The following JMY variants were observed in gnomAD, a reference collection of about 807,000 sequenced individuals.
The protein encoded by JMY is junction-mediating and -regulatory protein.
In JMY, 46 loss-of-function variants were observed where a neutral mutation model predicts 103.3. That is an observed-to-expected ratio of 0.45 (90% CI 0.35 to 0.57). JMY has a LOEUF of 0.57. JMY is among the 20% of genes least tolerant of loss of function. The pLI is 0.00. For synonymous variants in JMY, 526 were observed against 489.3 expected (o/e 1.07, Z -0.99); for missense variants, 1,238 against 1,255.2 (o/e 0.99, Z 0.21).
rs968424160 is a variant in JMY, at chr5:79,322,682, G to C, written c.*1080G>C. On this transcript the variant is annotated 3_prime_UTR_variant, in exon 11 of 11. Coordinates refer to ENST00000396137, the MANE Select transcript of JMY (RefSeq NM_152405.5). Reference sequence around the variant, plus strand: ...CACTAAAATTTTAAACTTATACACAGCTTTAGGTGCTGATTTTGGCTGTGA... The same window carrying C: ...CACTAAAATTTTAAACTTATACACACCTTTAGGTGCTGATTTTGGCTGTGA... 9 of 152,164 alleles carry C rather than the reference G, an allele frequency of 5.9e-5. No individual in the cohort carries two copies. Among genetic ancestry groups the C allele is most frequent in the Non-Finnish European group, 1.3e-4 (9 of 68,032 alleles). The allele number at this position is 152,164 out of a possible 1,614,324, so 9.4% of individuals were successfully genotyped here. A position where few individuals can be genotyped will look rare whatever the true frequency, so the allele number is the denominator to read the frequency against.
rs1745991096 is a variant in JMY at position 79,277,968 on chromosome 5, T to G, written c.1091T>G (p.Met364Arg). The change falls in exon 2 of 11, where the codon ATG (methionine) becomes AGG (arginine). Residue 364 changes from methionine to arginine, a missense_variant. Coordinates refer to ENST00000396137, the MANE Select transcript of JMY (RefSeq NM_152405.5). Reference protein sequence around the residue: ...SMVELLDLYQMEDEAYSSLAE... With the variant: ...SMVELLDLYQREDEAYSSLAE... ...GTGGAGCTTCTGGACTTGTATCAGA[T>G]GGAGGATGAAGCCTACAGCAGCCTT... The G allele has an allele frequency of 6.2e-7, 1 of 1,613,968 alleles. No homozygotes were observed. Among genetic ancestry groups the G allele is most frequent in the African/African-American group, 1.3e-5 (1 of 74,932 alleles).
Position 79,236,521 on chromosome 5 carries a change from A to G in JMY, c.-130A>G. On this transcript the variant is annotated 5_prime_UTR_variant, in exon 1 of 11. Coordinates refer to ENST00000396137, the MANE Select transcript of JMY (RefSeq NM_152405.5). ...GAGGGACAGGCGAACGAGCCGGGAGAGCCGGCCGGCGCACTAAGATGGCTG... is the reference window on the plus strand; with the variant it reads ...GAGGGACAGGCGAACGAGCCGGGAGGGCCGGCCGGCGCACTAAGATGGCTG... 1 of 624,846 alleles carries G rather than the reference A, an allele frequency of 1.6e-6. No individual in the cohort carries two copies. The highest frequency in any genetic ancestry group is 2.4e-6 in the Non-Finnish European group (1 of 418,820). The allele number at this position is 624,846 out of a possible 1,614,324, so 38.7% of individuals were successfully genotyped here. A position where few individuals can be genotyped will look rare whatever the true frequency, so the allele number is the denominator to read the frequency against.
At chr5:79,289,349 T>C (rs1286720896) in intron 2 of JMY, among the ~76,000 whole-genome samples, 1 of 151,842 alleles carries the variant, frequency 6.6e-6, no homozygotes, top group Admixed American at 6.6e-5. Context: ...AAGTGTGTCA[T>C]GGGTGGGTTA....
intron 1 of JMY, among the ~76,000 whole-genome samples, chr5:79,246,287 T>G (rs1055684539): frequency 5.3e-5 from 8 of 152,206 alleles, no homozygotes; most frequent in Admixed American, 2.0e-4. Flanking sequence ...TGAGTTTCTA[T>G]CCACACCTAT....
intron 2 of JMY, chr5:79,284,442 C>T: frequency 4.5e-6 from 7 of 1,547,152 alleles, no homozygotes; most frequent in Non-Finnish European, 5.3e-6. Context: ...ATTTGGCGGA[C>T]CCGTTGGTGC....
intron 2 of JMY, among the ~76,000 whole-genome samples, chr5:79,279,419 G>A (rs982140111): frequency 6.6e-6 from 1 of 152,140 alleles, no homozygotes; most frequent in Non-Finnish European, 1.5e-5. Context: ...TTTTATAGCT[G>A]ACCTTAAATG....
At chr5:79,318,693 C>G (rs1292912876) in intron 10 of JMY, among the ~76,000 whole-genome samples, 1 of 150,016 alleles carries the variant, frequency 6.7e-6, no homozygotes, top group Non-Finnish European at 1.5e-5. Flanking sequence ...CCCAAAGTAA[C>G]TTCGAGTTAT....
chr5:79,287,116 A>C (rs1173319563), intron 2 of JMY, among the ~76,000 whole-genome samples: 1 of 152,272 alleles, frequency 6.6e-6, no homozygotes. Context: ...TGGGGGTTGT[A>C]CTATGAGCCT....
At chr5:79,238,067 C>A (rs1211499122) in intron 1 of JMY, among the ~76,000 whole-genome samples, 3 of 152,124 alleles carry the variant, frequency 2.0e-5, no homozygotes, top group Non-Finnish European at 4.4e-5. Context: ...TTGTCCTTGT[C>A]ACCTTTATTT....
chr5:79,289,736 A>G (rs1047695907), intron 2 of JMY, among the ~76,000 whole-genome samples: 1 of 151,716 alleles, frequency 6.6e-6, no homozygotes, highest in African/African-American at 2.4e-5. Flanking sequence ...CAATTGTTTT[A>G]TATAGTGGCT....
chr5:79,237,696 C>T lies in JMY; in HGVS notation c.1032+14C>T. ...CGCATCCAGGAGGTGAGTGAGTGAG[C>T]TCCTAGTCTGGGCTCTACTGGTCGC... On this transcript the variant is annotated intron_variant, in intron 1 of 10. Coordinates refer to ENST00000396137, the MANE Select transcript of JMY (RefSeq NM_152405.5). 6.2e-7 allele frequency: 1 copy of T among 1,603,430 alleles called. No individual in the cohort carries two copies. The highest frequency in any genetic ancestry group is 8.5e-7 in the Non-Finnish European group (1 of 1,173,802).
intron 10 of JMY, 46 bp from the exon 11 acceptor site, chr5:79,321,560 A>G (rs1180583144): frequency 6.6e-6 from 1 of 152,128 alleles, no homozygotes; most frequent in Non-Finnish European, 1.5e-5. Flanking sequence ...CTGTATCTTT[A>G]AAGGGTCTTT....
intron 2 of JMY, 119 bp downstream of exon 2, chr5:79,278,202 C>T: frequency 1.2e-6 from 1 of 829,594 alleles, no homozygotes; most frequent in South Asian, 2.1e-5. Context: ...GTACCTGGTC[C>T]TATTTCTGCA....
In JMY at chr5:79,300,291, C is replaced by T. The variant is rs1205529112; in HGVS notation, c.1666C>T (p.Leu556=). The T allele has an allele frequency of 6.3e-7, 1 of 1,579,320 alleles. No homozygotes were observed. Among genetic ancestry groups the T allele is most frequent in the East Asian group, 2.3e-5 (1 of 43,508 alleles). ...KCEELLLTAQ[L]ESIKRLISEK... is the part of the protein sequence containing the mutation. ...TGAAGAGTTACTATTGACAGCGCAA[C>T]TAGAAAGCATCAAAAGACTTATATC... Residue 556 remains leucine (L), a synonymous_variant, in exon 5 of 11, where the codon CTA becomes TTA. Coordinates refer to ENST00000396137, the MANE Select transcript of JMY (RefSeq NM_152405.5).
intron 1 of JMY, among the ~76,000 whole-genome samples, chr5:79,275,874 G>C (rs1745923699): frequency 6.6e-6 from 1 of 152,120 alleles, no homozygotes; most frequent in Admixed American, 6.5e-5. Context: ...TACATGTTGT[G>C]CCAAAAATAT....
intron 1 of JMY, among the ~76,000 whole-genome samples, chr5:79,270,609 TAAATGTTTATATA>T (rs1745746595): frequency 7.1e-6 from 1 of 141,338 alleles, no homozygotes; most frequent in Non-Finnish European, 1.5e-5. Context: ...TATATTTACA[TAAATGTTTATATA>T]AAATATATTT....
At chr5:79,318,785 G>T (rs1451792026) in intron 10 of JMY, among the ~76,000 whole-genome samples, 2 of 63,452 alleles carry the variant, frequency 3.2e-5, no homozygotes, top group Non-Finnish European at 6.5e-5. Flanking sequence ...GAGAGAGAGA[G>T]AGAGAGAGAG....
chr5:79,246,961 T>G (rs73772722), intron 1 of JMY, among the ~76,000 whole-genome samples: 17 of 152,226 alleles, frequency 1.1e-4, no homozygotes, highest in African/African-American at 3.4e-4. Flanking sequence ...AAACTTTGAT[T>G]AATATTTGTA....
rs773251216 is a variant in JMY, at chr5:79,253,187, C to CT, written c.1032+15508dup. ...CCACTAATAAAGACTCTAATCTTAA[C>CT]TTTGTCTCCCCACTTTTTAACTTTT... On this transcript the variant is annotated intron_variant, in intron 1 of 10. Coordinates refer to ENST00000396137, the MANE Select transcript of JMY (RefSeq NM_152405.5). Among the ~76,000 whole-genome samples the CT allele has an allele frequency of 3.3e-5, 5 of 152,280 alleles. No homozygotes were observed. The East Asian group carries it at 7.7e-4, about 23-fold the overall frequency.
Sources: gnomAD v4.1 joint callset for allele counts (sites outside exome capture counted in the v4.1 genomes callset) on GRCh38, gnomAD v4.1.1 for gene constraint, MANE v1.5 for transcripts, NCBI Gene and HGNC (gene_info 2026-07-23, HGNC 2026-07-21) for gene names.